Variants in PRKCE observed in about 807,000 individuals in gnomAD.
PRKCE encodes protein kinase C epsilon.
Under a neutral mutation model 85.4 loss-of-function variants are expected in PRKCE, and 16 were observed. The observed-to-expected ratio is 0.19, with a 90% confidence interval of 0.13 to 0.28. The LOEUF (loss-of-function observed/expected upper bound fraction) is 0.28, where lower values mean the gene tolerates loss of function less well. PRKCE is among the 10% of genes least tolerant of loss of function. The pLI is 1.00. For missense variants in PRKCE, 573 were observed against 975.2 expected (o/e 0.59, Z 5.49); for synonymous variants, 388 against 371.5 (o/e 1.04, Z -0.51).
intron 14 of PRKCE, among the ~76,000 whole-genome samples, chr2:46,182,523 G>T (rs1680094755): frequency 6.6e-6 from 1 of 152,100 alleles, no homozygotes; most frequent in South Asian, 2.1e-4. Context: ...TCAGCTATAG[G>T]TTCTGTTTCT....
At chr2:45,980,697 T>A (rs1283220874) in intron 5 of PRKCE, among the ~76,000 whole-genome samples, 2 of 152,170 alleles carry the variant, frequency 1.3e-5, no homozygotes, top group East Asian at 3.9e-4. Context: ...AACCAATGTG[T>A]CACTAGCTCC....
At chr2:46,074,717 G>A (rs1293749651) in intron 10 of PRKCE, among the ~76,000 whole-genome samples, 1 of 152,236 alleles carries the variant, frequency 6.6e-6, no homozygotes, top group Non-Finnish European at 1.5e-5. Context: ...GTGAGGCCCA[G>A]CTCCAGCATC....
chr2:45,681,309 A>G (rs1676882965), intron 1 of PRKCE, among the ~76,000 whole-genome samples: 1 of 140,720 alleles, frequency 7.1e-6, no homozygotes. Flanking sequence ...AAAAAAAAAA[A>G]AAAAAAAAAG....
At chr2:45,970,671 T>C (rs1458950683) in intron 2 of PRKCE, among the ~76,000 whole-genome samples, 1 of 152,074 alleles carries the variant, frequency 6.6e-6, no homozygotes, top group Non-Finnish European at 1.5e-5. Flanking sequence ...ATTGGGGAAA[T>C]TCAAATATGA....
At chr2:45,880,920 G>T (rs543155397) in intron 2 of PRKCE, among the ~76,000 whole-genome samples, 1 of 152,044 alleles carries the variant, frequency 6.6e-6, no homozygotes, top group South Asian at 2.1e-4. Flanking sequence ...TTGGGAGGCC[G>T]AGGCGGGCGG....
At chr2:45,814,778 G>T (rs1278572997) in intron 1 of PRKCE, among the ~76,000 whole-genome samples, 3 of 152,186 alleles carry the variant, frequency 2.0e-5, no homozygotes, top group African/African-American at 7.2e-5. Flanking sequence ...ACAGTGTCTT[G>T]TAGAGTACTT....
At chr2:46,156,521 A>G (rs999528805) in intron 13 of PRKCE, among the ~76,000 whole-genome samples, 1 of 152,216 alleles carries the variant, frequency 6.6e-6, no homozygotes, top group African/African-American at 2.4e-5. Context: ...TGTGTGTGCA[A>G]AGGAAGGAGA....
intron 13 of PRKCE, among the ~76,000 whole-genome samples, chr2:46,158,358 C>A (rs958538123): frequency 1.4e-4 from 21 of 152,114 alleles, no homozygotes; most frequent in African/African-American, 5.1e-4. Flanking sequence ...GGCTGAGGAG[C>A]TCCTGTGTGC....
intron 10 of PRKCE, among the ~76,000 whole-genome samples, chr2:46,057,336 C>T (rs973984624): frequency 1.3e-5 from 2 of 152,212 alleles, no homozygotes; most frequent in Non-Finnish European, 2.9e-5. Context: ...TTCTTCCCAC[C>T]TATTCCCCCA....
At chr2:45,672,850 G>A (rs1676241521) in intron 1 of PRKCE, among the ~76,000 whole-genome samples, 1 of 152,070 alleles carries the variant, frequency 6.6e-6, no homozygotes, top group South Asian at 2.1e-4. Context: ...CGTAGTAAGA[G>A]CCAGTCTCTA....
intron 2 of PRKCE, among the ~76,000 whole-genome samples, chr2:45,936,257 T>G (rs1418687490): frequency 6.6e-6 from 1 of 152,220 alleles, no homozygotes; most frequent in Non-Finnish European, 1.5e-5. Flanking sequence ...GGTATCAGGT[T>G]AAGAGGTTAT....
intron 1 of PRKCE, among the ~76,000 whole-genome samples, chr2:45,777,105 A>G (rs1249081803): frequency 2.0e-5 from 3 of 152,324 alleles, no homozygotes; most frequent in Non-Finnish European, 2.9e-5. Flanking sequence ...ACAGTCCACA[A>G]TTAATAATTC....
At chr2:46,133,158 C>T (rs1468272812) in intron 11 of PRKCE, among the ~76,000 whole-genome samples, 4 of 152,184 alleles carry the variant, frequency 2.6e-5, no homozygotes, top group Non-Finnish European at 5.9e-5. Context: ...GAATTCTGGA[C>T]CCGGTATTGG....
intron 2 of PRKCE, among the ~76,000 whole-genome samples, chr2:45,911,445 T>A (rs1225631727): frequency 2.0e-5 from 3 of 152,246 alleles, no homozygotes; most frequent in African/African-American, 4.8e-5. Flanking sequence ...AAATCCCAGA[T>A]GTGGCTTGAA....
At chr2:45,928,363 G>T (rs996399558) in intron 2 of PRKCE, among the ~76,000 whole-genome samples, 14 of 152,242 alleles carry the variant, frequency 9.2e-5, no homozygotes, top group Non-Finnish European at 1.9e-4. Context: ...CGCCTCGCGG[G>T]TTGAAGCAAT....
At chr2:46,044,206 C>T (rs1235211091) in intron 10 of PRKCE, among the ~76,000 whole-genome samples, 2 of 152,190 alleles carry the variant, frequency 1.3e-5, no homozygotes, top group Admixed American at 1.3e-4. Context: ...TTAGTGGGTA[C>T]AGAATGTTTG....
intron 14 of PRKCE, among the ~76,000 whole-genome samples, chr2:46,170,139 C>A (rs1483590242): frequency 1.3e-5 from 2 of 152,188 alleles, no homozygotes; most frequent in Non-Finnish European, 2.9e-5. Flanking sequence ...AAATGTCATA[C>A]ACCCATGTGA....
At chr2:45,712,444 C>T (rs1280548366) in intron 1 of PRKCE, among the ~76,000 whole-genome samples, 1 of 152,094 alleles carries the variant, frequency 6.6e-6, no homozygotes, top group East Asian at 1.9e-4. Context: ...GCATGAGTCA[C>T]TGCGCCCGGC....
At chr2:45,969,495 G>A (rs1266860391) in intron 2 of PRKCE, among the ~76,000 whole-genome samples, 3 of 152,148 alleles carry the variant, frequency 2.0e-5, no homozygotes, top group Non-Finnish European at 4.4e-5. Context: ...AGAGGTGAAC[G>A]GGCATGGATC....
Sources: gnomAD v4.1 joint callset for allele counts (sites outside exome capture counted in the v4.1 genomes callset) on GRCh38, gnomAD v4.1.1 for gene constraint, MANE v1.5 for transcripts, NCBI Gene and HGNC (gene_info 2026-07-23, HGNC 2026-07-21) for gene names.